Variants in SRMS observed in about 807,000 individuals in gnomAD.
SRMS encodes src-related kinase lacking C-terminal regulatory tyrosine and N-terminal myristylation sites, also known as tyrosine-protein kinase Srms.
Under a neutral mutation model 43.5 loss-of-function variants are expected in SRMS, and 42 were observed. The observed-to-expected ratio is 0.97, with a 90% CI of 0.75 to 1.25. The LOEUF is 1.25. Ranked by LOEUF, SRMS falls within the 50% of genes most tolerant of loss-of-function variation. SRMS has a pLI of 0.00. For synonymous variants in SRMS, 316 were observed against 308.2 expected (o/e 1.03, Z -0.27); for missense variants, 703 against 681.0 (o/e 1.03, Z -0.36).
At position 63,539,720 on chromosome 20, in the gene SRMS, G is replaced by A. The variant is rs1042183057; in HGVS notation, c.*1098C>T. Among the ~76,000 whole-genome samples the A allele has an allele frequency of 2.6e-5, 4 of 152,102 alleles. No homozygotes were observed. The highest frequency in any genetic ancestry group is 2.1e-4 in the South Asian group (1 of 4,836). ...GCCCCCTCCTGCCTTGGTGACCCCC[G>A]AGGACTCACACCCAGAGGCTTCCTG... On this transcript the variant is annotated 3_prime_UTR_variant, in exon 8 of 8. Transcript: ENST00000217188.
chr20:63,543,212 C>A, intron 3 of SRMS, 102 bp downstream of exon 3: 1 of 1,437,328 alleles, frequency 7.0e-7, no homozygotes, highest in Non-Finnish European at 9.5e-7. Flanking sequence ...GGAGCTGCGC[C>A]TCTGACAGCC....
chr20:63,541,572 C>A lies in SRMS; in HGVS notation c.995G>T (p.Cys332Phe). Residue 332 changes from cysteine to phenylalanine, a missense_variant, in exon 6 of 8, where the codon TGC becomes TTC. Coordinates refer to ENST00000217188, the MANE Select transcript of SRMS (RefSeq NM_080823.4). ...GTAGCTCATGCCCTCAGCCACCTGGCAGGCAAAGCCCAGGAGTGGCGGCAG... is the reference window on the plus strand; with the variant it reads ...GTAGCTCATGCCCTCAGCCACCTGGAAGGCAAAGCCCAGGAGTGGCGGCAG... ...LRLPPLLGFA[C>F]QVAEGMSYLE... is the part of the protein sequence containing the mutation. 1 of 1,577,454 alleles carries A rather than the reference C, an allele frequency of 6.3e-7. No homozygotes were observed. The highest frequency in any genetic ancestry group is 1.8e-5 in the Admixed American group (1 of 54,720).
At position 63,540,945 on chromosome 20, in the gene SRMS, C is replaced by T. The variant is rs1035956839; in HGVS notation, c.1340G>A (p.Arg447His). 12 of 1,607,234 alleles carry T rather than the reference C, an allele frequency of 7.5e-6. No individual in the cohort carries two copies. Among genetic ancestry groups the T allele is most frequent in the East Asian group, 2.2e-5 (1 of 44,872 alleles). The part of the protein sequence containing the change: ...QQIMRGYRLP[R>H]PAACPAEVYV... ...GACCTCCGCCGGGCAGGCAGCCGGG[C>T]GCGGCAGCCGGTACCCTCGCATGAT... Residue 447 changes from arginine (R) to histidine (H), a missense_variant, in exon 8 of 8, where the codon CGC becomes CAC. By Grantham distance (29) the Arg-to-His change is conservative. Coordinates refer to ENST00000217188, the MANE Select transcript of SRMS (RefSeq NM_080823.4).
chr20:63,540,562 C>A lies in SRMS; in HGVS notation c.*256G>T, dbSNP rs760517553. On this transcript the variant is annotated 3_prime_UTR_variant, in exon 8 of 8. Transcript: ENST00000217188. ...ACGGGGAACGTCAGCCCCAGCCCTT[C>A]GTCTGCACGAGTCACACTGCATGGG... 4.6e-5 allele frequency among the ~76,000 whole-genome samples: 7 copies of A among 152,248 alleles called. No individual in the cohort carries two copies. Among genetic ancestry groups the A allele is most frequent in the Middle Eastern group, 3.4e-3 (1 of 294 alleles).
In SRMS at chr20:63,539,028, G is replaced by A. The variant is rs1375153555; in HGVS notation, c.*1790C>T. Among the ~76,000 whole-genome samples the A allele has an allele frequency of 6.6e-6, 1 of 152,122 alleles. No homozygotes were observed. Among genetic ancestry groups the A allele is most frequent in the Non-Finnish European group, 1.5e-5 (1 of 67,994 alleles). On this transcript the variant is annotated 3_prime_UTR_variant, in exon 8 of 8. Transcript: ENST00000217188. ...CGGCTGCAGAGAGCACAGAGGGCGAGGCCTTCTGTGCCAGAGGAGCCCCCA... is the reference window on the plus strand; with the variant it reads ...CGGCTGCAGAGAGCACAGAGGGCGAAGCCTTCTGTGCCAGAGGAGCCCCCA...
intron 1 of SRMS, among the ~76,000 whole-genome samples, chr20:63,545,857 T>TG (rs145969504): frequency 0.029 from 4,344 of 152,074 alleles, 92 homozygotes; most frequent in Non-Finnish European, 0.04. Context: ...CCCAGCACCG[T>TG]GGGGTGTGGG....
At chr20:63,544,484 A>T in intron 1 of SRMS, 136 bp from the exon 2 acceptor site, 1 of 1,169,444 alleles carries the variant, frequency 8.6e-7, no homozygotes, top group Non-Finnish European at 1.1e-6. Context: ...GTGGACTTTG[A>T]GTCCCAGCTC....
rs760001711 is a variant in SRMS at position 63,540,933 on chromosome 20, C to G, written c.1352G>C (p.Cys451Ser). ...RGYRLPRPAA[C>S]PAEVYVLMLE... ...CATGAGCACGTAGACCTCCGCCGGGCAGGCAGCCGGGCGCGGCAGCCGGTA... is the reference window on the plus strand; with the variant it reads ...CATGAGCACGTAGACCTCCGCCGGGGAGGCAGCCGGGCGCGGCAGCCGGTA... The change falls in exon 8 of 8, where the codon TGC becomes TCC. Residue 451 changes from cysteine (C) to serine (S), a missense_variant. Cys to Ser is a moderately radical substitution (Grantham distance 112). Transcript: ENST00000217188. 1 of 1,607,016 alleles carries G rather than the reference C, an allele frequency of 6.2e-7. No homozygotes were observed. Among genetic ancestry groups the G allele is most frequent in the Non-Finnish European group, 8.5e-7 (1 of 1,179,564 alleles).
chr20:63,541,764 A>C, intron 5 of SRMS, 144 bp from the exon 6 acceptor site: 1 of 1,095,766 alleles, frequency 9.1e-7, no homozygotes, highest in South Asian at 1.7e-5. Flanking sequence ...AGGCCACGGG[A>C]AGCCCCAAGT....
chr20:63,543,085 C>G (rs1393913985), intron 3 of SRMS, among the ~76,000 whole-genome samples: 1 of 152,250 alleles, frequency 6.6e-6, no homozygotes, highest in Non-Finnish European at 1.5e-5. Flanking sequence ...CTCCTTTCCC[C>G]ACTCCCAGCC....
intron 1 of SRMS, among the ~76,000 whole-genome samples, chr20:63,545,198 C>T (rs2082724872): frequency 6.6e-6 from 1 of 152,180 alleles, no homozygotes; most frequent in African/African-American, 2.4e-5. Flanking sequence ...CACATCTACT[C>T]ATTCCTGGGA....
In SRMS at chr20:63,541,180, TG is replaced by T; in HGVS notation, c.1285+10del. ...AGCCTGCATCCTCCCTCTGGCTGCC[TG>T]GGGACCCACCTTCATAGGGACACTG... On this transcript the variant is annotated intron_variant, in intron 7 of 7. Transcript: ENST00000217188. 2 of 1,549,954 alleles carry T rather than the reference TG, an allele frequency of 1.3e-6. No individual in the cohort carries two copies. The highest frequency in any genetic ancestry group is 8.7e-7 in the Non-Finnish European group (1 of 1,152,256).
rs898359162 is a variant in SRMS, at chr20:63,544,257, C to G, written c.448G>C (p.Glu150Gln). The change falls in exon 2 of 8, where the codon GAG (glutamate) becomes CAG (glutamine). Residue 150 changes from glutamate to glutamine, a missense_variant. Coordinates refer to ENST00000217188, the MANE Select transcript of SRMS (RefSeq NM_080823.4). ...AGTGAGTAGCCCCCGAGGCTGCTCTCGCTGGGCCGGATGAGGAAGGCCCCT... is the reference window on the plus strand; with the variant it reads ...AGTGAGTAGCCCCCGAGGCTGCTCTGGCTGGGCCGGATGAGGAAGGCCCCT... ...EPGAFLIRPSESSLGGYSLSV... is the reference protein window; with the variant it reads ...EPGAFLIRPSQSSLGGYSLSV... 4.1e-6 allele frequency: 6 copies of G among 1,472,012 alleles called. No individual in the cohort carries two copies. In the Admixed American group the frequency reaches 1.6e-4, roughly 40 times the overall value. The allele number at this position is 1,472,012 out of a possible 1,614,324, so 91.2% of individuals were successfully genotyped here. A position where few individuals can be genotyped will look rare whatever the true frequency, so the allele number is the denominator to read the frequency against.
At position 63,542,250 on chromosome 20, in the gene SRMS, G is replaced by C. The variant is rs775885260; in HGVS notation, c.859C>G (p.Arg287Gly). 19 of 1,612,718 alleles carry C rather than the reference G, an allele frequency of 1.2e-5. No individual in the cohort carries two copies. In the South Asian group the frequency reaches 1.8e-4, roughly 15 times the overall value. Residue 287 changes from arginine to glycine, a missense_variant, in exon 5 of 8, where the codon CGG (arginine) becomes GGG (glycine). Transcript: ENST00000217188. ...CCGCCCGAGCACACTGCGTGCAGCC[G>C]GATGAGCCGCTCGTGCCGCAGGCCC... ...LKGLRHERLI[R>G]LHAVCSGGEP...
At position 63,540,449 on chromosome 20, in the gene SRMS, C is replaced by A. The variant is rs902375241; in HGVS notation, c.*369G>T. Among the ~76,000 whole-genome samples, 1 of 151,864 alleles carries A rather than the reference C, an allele frequency of 6.6e-6. No individual in the cohort carries two copies. Among genetic ancestry groups the A allele is most frequent in the Admixed American group, 6.5e-5 (1 of 15,270 alleles). On this transcript the variant is annotated 3_prime_UTR_variant, in exon 8 of 8. Coordinates refer to ENST00000217188, the MANE Select transcript of SRMS (RefSeq NM_080823.4). ...CGAGGCTTCTACCCACCCTCCTGTG[C>A]CGTTGTCTCTCTTGAGAGGCCAGGG...
intron 5 of SRMS, 111 bp from the exon 6 acceptor site, chr20:63,541,731 G>T: frequency 7.6e-7 from 1 of 1,309,820 alleles, no homozygotes; most frequent in Non-Finnish European, 1.0e-6. Flanking sequence ...TCTAAGACGT[G>T]GCGAGGATGG....
At chr20:63,542,036 G>T (rs943440952) in intron 5 of SRMS, 127 bp downstream of exon 5, 12 of 1,352,746 alleles carry the variant, frequency 8.9e-6, no homozygotes, top group East Asian at 7.4e-5. Context: ...ATCTGCAGCC[G>T]GGGCCACCTG....
At chr20:63,544,892 G>A (rs1009030555) in intron 1 of SRMS, among the ~76,000 whole-genome samples, 1 of 152,238 alleles carries the variant, frequency 6.6e-6, no homozygotes, top group African/African-American at 2.4e-5. Flanking sequence ...GAGGTCAGGA[G>A]GGGCAGCCAG....
In SRMS at chr20:63,540,907, G is replaced by C. The variant is rs756793822; in HGVS notation, c.1378C>G (p.Leu460Val). ...ACPAEVYVLM[L>V]ECWRSSPEER... ...TCGGGGCTGCTCCTCCAGCACTCCA[G>C]CATGAGCACGTAGACCTCCGCCGGG... The change falls in exon 8 of 8, where the codon CTG becomes GTG. Residue 460 changes from leucine (L) to valine (V), a missense_variant. Physicochemically the swap from Leu to Val is conservative, Grantham distance 32 (BLOSUM62 1). Transcript: ENST00000217188. 1 of 1,606,334 alleles carries C rather than the reference G, an allele frequency of 6.2e-7. No individual in the cohort carries two copies. Among genetic ancestry groups the C allele is most frequent in the Non-Finnish European group, 8.5e-7 (1 of 1,179,606 alleles).
Sources: gnomAD v4.1 joint callset for allele counts (sites outside exome capture counted in the v4.1 genomes callset) on GRCh38, gnomAD v4.1.1 for gene constraint, MANE v1.5 for transcripts, NCBI Gene and HGNC (gene_info 2026-07-23, HGNC 2026-07-21) for gene names.